Variants in LONRF1 observed in about 807,000 individuals in gnomAD.
LONRF1 encodes the protein LON peptidase N-terminal domain and ring finger 1.
In LONRF1, 37 loss-of-function variants were observed where a neutral mutation model predicts 85.8. The observed-to-expected ratio is 0.43, with a 90% CI of 0.33 to 0.57. The LOEUF is 0.57. Ranked by LOEUF, LONRF1 falls within the 20% of genes least tolerant of loss-of-function variation. The probability of loss-of-function intolerance (pLI) is 0.04; values close to 1 mark genes in which losing one functional copy is unlikely to be tolerated. For missense variants in LONRF1, 1,036 were observed against 978.0 expected (o/e 1.06, Z -0.79); for synonymous variants, 517 against 390.1 (o/e 1.33, Z -3.83).
chr8:12,729,106 A>T, intron 9 of LONRF1, 43 bp from the exon 10 acceptor site: 1 of 1,611,804 alleles, frequency 6.2e-7, no homozygotes, highest in East Asian at 2.2e-5. Flanking sequence ...AAACATAAAC[A>T]TGCAAGTTCT....
chr8:12,727,324 C>G (rs950621618), intron 10 of LONRF1: 1 of 148,800 alleles, frequency 6.7e-6, no homozygotes, highest in African/African-American at 2.5e-5. Context: ...CTTTTAAAGT[C>G]AAGGAACTTT....
chr8:12,752,686 C>T (rs1799456731), intron 1 of LONRF1, among the ~76,000 whole-genome samples: 1 of 152,208 alleles, frequency 6.6e-6, no homozygotes, highest in South Asian at 2.1e-4. Flanking sequence ...GAACCAGAAT[C>T]TCTGTTAACT....
At chr8:12,740,624 G>A (rs536099766) in intron 3 of LONRF1, among the ~76,000 whole-genome samples, 46 of 152,222 alleles carry the variant, frequency 3.0e-4, no homozygotes, top group African/African-American at 1.0e-3. Context: ...GTCTGGCTCA[G>A]ATTGAACAAA....
intron 1 of LONRF1, among the ~76,000 whole-genome samples, chr8:12,750,906 T>C (rs1209475253): frequency 6.6e-6 from 1 of 152,248 alleles, no homozygotes; most frequent in African/African-American, 2.4e-5. Flanking sequence ...TTAAAAATAT[T>C]GAATTAATAT....
At chr8:12,746,342 T>C (rs972269882) in intron 1 of LONRF1, among the ~76,000 whole-genome samples, 1 of 152,150 alleles carries the variant, frequency 6.6e-6, no homozygotes, top group East Asian at 1.9e-4. Context: ...TCACTCAAAG[T>C]CCCAACCATA....
At chr8:12,741,827 T>A (rs943165898) in intron 2 of LONRF1, among the ~76,000 whole-genome samples, 2 of 152,200 alleles carry the variant, frequency 1.3e-5, no homozygotes, top group Non-Finnish European at 2.9e-5. Context: ...GTCTTTCACT[T>A]TTCTCCTTCA....
At chr8:12,733,477 T>C (rs1798604742) in intron 7 of LONRF1, among the ~76,000 whole-genome samples, 1 of 152,180 alleles carries the variant, frequency 6.6e-6, no homozygotes, top group South Asian at 2.1e-4. Flanking sequence ...ATCTGTTTTG[T>C]TCCCAATTTC....
intron 3 of LONRF1, among the ~76,000 whole-genome samples, chr8:12,739,261 C>T (rs1179479202): frequency 7.0e-6 from 1 of 142,712 alleles, no homozygotes; most frequent in African/African-American, 2.6e-5. Flanking sequence ...CTGAAAACCA[C>T]AAATTCCATT....
At chr8:12,743,576 T>A (rs1197403228) in intron 1 of LONRF1, among the ~76,000 whole-genome samples, 1 of 152,190 alleles carries the variant, frequency 6.6e-6, no homozygotes, top group Non-Finnish European at 1.5e-5. Context: ...ACTTTTTTTT[T>A]AACAAAGGGT....
chr8:12,754,690 G>T lies in LONRF1; in HGVS notation c.721+10C>A. The stretch of plus-strand genomic sequence containing the variant: ...GTCGGCCCGGCCCCGCCGCATCCCC[G>T]CGCGGTCACCTGCTCGCAGCGCCTC... On this transcript the variant is annotated intron_variant, in intron 1 of 11. Coordinates refer to ENST00000398246, the MANE Select transcript of LONRF1 (RefSeq NM_152271.5). 7.5e-7 allele frequency: 1 copy of T among 1,340,186 alleles called. No individual in the cohort carries two copies. Among genetic ancestry groups the T allele is most frequent in the South Asian group, 1.9e-5 (1 of 51,364 alleles). The allele number at this position is 1,340,186 out of a possible 1,614,324, so 83.0% of individuals were successfully genotyped here.
intron 1 of LONRF1, among the ~76,000 whole-genome samples, chr8:12,749,800 C>T (rs7007056): frequency 0.95 from 145,147 of 152,228 alleles, 69,580 homozygotes; most frequent in East Asian, 1. Context: ...GATATAGTCT[C>T]GGTTAAGTAG....
intron 8 of LONRF1, 72 bp from the exon 9 acceptor site, chr8:12,729,404 T>C (rs1798442906): frequency 6.8e-7 from 1 of 1,469,032 alleles, no homozygotes; most frequent in Non-Finnish European, 9.4e-7. Flanking sequence ...AAAAAATGAG[T>C]GAGGTTTATA....
intron 11 of LONRF1, among the ~76,000 whole-genome samples, chr8:12,723,848 G>T (rs1329658308): frequency 6.6e-6 from 1 of 152,138 alleles, no homozygotes; most frequent in African/African-American, 2.4e-5. Context: ...GAAGAAAAAG[G>T]CCCCAGCTTC....
intron 11 of LONRF1, among the ~76,000 whole-genome samples, 186 bp from the exon 12 acceptor site, chr8:12,723,440 T>C (rs73202627): frequency 0.086 from 13,025 of 152,286 alleles, 759 homozygotes; most frequent in Non-Finnish European, 0.13. Context: ...TAATGCAAAT[T>C]GTCCAAGATC....
At chr8:12,741,662 A>T (rs1163250822) in intron 2 of LONRF1, among the ~76,000 whole-genome samples, 1 of 152,238 alleles carries the variant, frequency 6.6e-6, no homozygotes, top group Non-Finnish European at 1.5e-5. Context: ...AGAATCCATC[A>T]AAATTAAAGA....
At chr8:12,732,415 T>G (rs1798562905) in intron 7 of LONRF1, among the ~76,000 whole-genome samples, 1 of 152,198 alleles carries the variant, frequency 6.6e-6, no homozygotes, top group Non-Finnish European at 1.5e-5. Flanking sequence ...GTGCGTTTCT[T>G]GGGACACTAT....
At chr8:12,751,296 G>GTTTTTTTTTTTTTTGTT (rs1563160508) in intron 1 of LONRF1, among the ~76,000 whole-genome samples, 325 of 69,386 alleles carry the variant, frequency 4.7e-3, no homozygotes, top group Middle Eastern at 0.011. Flanking sequence ...TTATTTTTAT[G>GTTTTTTTTTTTTTTGTT]TTTTTTTTTT....
chr8:12,735,158 C>G, intron 7 of LONRF1, 128 bp downstream of exon 7: 1 of 641,250 alleles, frequency 1.6e-6, no homozygotes, highest in East Asian at 2.8e-5. Flanking sequence ...AAAACATTAT[C>G]CTTGTTAGTC....
At position 12,754,973 on chromosome 8, in the gene LONRF1, C is replaced by T; in HGVS notation, c.448G>A (p.Glu150Lys). 1 of 1,491,652 alleles carries T rather than the reference C, an allele frequency of 6.7e-7. No homozygotes were observed. Among genetic ancestry groups the T allele is most frequent in the East Asian group, 2.8e-5 (1 of 35,218 alleles). 92.4% of individuals were successfully genotyped at this position (1,491,652 alleles called of 1,614,324 possible). Residue 150 changes from glutamate to lysine, a missense_variant, in exon 1 of 12, where the codon GAA becomes AAA. This residue lies in a region of LONRF1 where 742 missense variants were observed against 614.4 expected (regional missense o/e 1.21). Transcript: ENST00000398246. The part of the protein sequence containing the change: ...HSYCRRCLRR[E>K]LRARCRLCRD... ...CAGAGGCGGCAGCGGGCGCGGAGTT[C>T]CCTCCGCAGGCAGCGGCGGCAGTAG...
Sources: allele counts gnomAD v4.1 joint callset (sites outside exome capture counted in the v4.1 genomes callset), GRCh38; gene constraint gnomAD v4.1.1; regional missense constraint gnomAD v4.1.1; transcripts MANE v1.5; gene names NCBI Gene and HGNC (gene_info 2026-07-23, HGNC 2026-07-21).